The following IL1RAPL2 variants were observed in gnomAD, a reference collection of about 807,000 sequenced individuals.
The protein encoded by IL1RAPL2 is interleukin 1 receptor accessory protein like 2.
A neutral mutation model predicts 44.1 loss-of-function variants in IL1RAPL2; 3 were observed. The ratio of observed to expected loss-of-function variants is 0.07; its 90% CI spans 0.03 to 0.18. The LOEUF is 0.18. Ranked by LOEUF, IL1RAPL2 falls within the 10% of genes least tolerant of loss-of-function variation. The pLI is 1.00. For synonymous variants in IL1RAPL2, 181 were observed against 178.8 expected (o/e 1.01, Z -0.10); for missense variants, 391 against 496.4 (o/e 0.79, Z 2.02).
At chrX:104,852,865 G>C (rs1349420664) in intron 2 of IL1RAPL2, among the ~76,000 whole-genome samples, 4 of 111,713 alleles carry the variant, frequency 3.6e-5, no homozygotes, top group Non-Finnish European at 5.6e-5. Context: ...GACTTATGAA[G>C]GTGAGGCAGC....
At chrX:105,064,140 A>AC (rs1372817357) in intron 2 of IL1RAPL2, among the ~76,000 whole-genome samples, 1 of 112,299 alleles carries the variant, frequency 8.9e-6, no homozygotes, top group Non-Finnish European at 1.9e-5. Context: ...GTGATAAGTT[A>AC]CCCCAGGACT....
At chrX:105,226,620 C>G (rs1313390045) in intron 3 of IL1RAPL2, among the ~76,000 whole-genome samples, 1 of 108,966 alleles carries the variant, frequency 9.2e-6, no homozygotes, top group Non-Finnish European at 1.9e-5. Flanking sequence ...CCAGGCTGGT[C>G]TTGAACTCCT....
At chrX:105,413,797 A>G (rs2035713451) in intron 5 of IL1RAPL2, among the ~76,000 whole-genome samples, 1 of 112,450 alleles carries the variant, frequency 8.9e-6, no homozygotes, top group Non-Finnish European at 1.9e-5. Context: ...ATTGTCCAGT[A>G]TAATAGCCAT....
intron 5 of IL1RAPL2, among the ~76,000 whole-genome samples, chrX:105,325,359 G>A (rs936310116): frequency 4.6e-5 from 5 of 109,849 alleles, no homozygotes; most frequent in African/African-American, 1.7e-4. Context: ...CATCTATGCT[G>A]TAGCATGTAT....
chrX:104,882,575 T>A (rs1431069497), intron 2 of IL1RAPL2, among the ~76,000 whole-genome samples: 4 of 111,384 alleles, frequency 3.6e-5, no homozygotes, highest in Non-Finnish European at 7.5e-5. Flanking sequence ...GGTTTGTAAA[T>A]GCACCAATCA....
chrX:105,681,142 G>GAGTTA (rs769810570), intron 6 of IL1RAPL2, among the ~76,000 whole-genome samples: 1 of 111,652 alleles, frequency 9.0e-6, no homozygotes, highest in East Asian at 2.8e-4. Flanking sequence ...AACAGGGAGA[G>GAGTTA]AGTTACCTTT....
At chrX:105,012,797 T>A (rs1278582744) in intron 2 of IL1RAPL2, among the ~76,000 whole-genome samples, 1 of 110,666 alleles carries the variant, frequency 9.0e-6, no homozygotes, top group Admixed American at 9.6e-5. Context: ...TGAAGTCAGA[T>A]TTTTTCCATT....
chrX:104,606,933 C>T (rs1452399223), intron 1 of IL1RAPL2, among the ~76,000 whole-genome samples: 2 of 111,932 alleles, frequency 1.8e-5, no homozygotes, highest in East Asian at 2.8e-4. Flanking sequence ...ATAGCCAAGA[C>T]AATCCTGGGC....
intron 2 of IL1RAPL2, among the ~76,000 whole-genome samples, chrX:104,944,189 T>C (rs1242254361): frequency 2.7e-5 from 3 of 111,823 alleles, no homozygotes; most frequent in Non-Finnish European, 3.8e-5. Context: ...GAGTACTCTT[T>C]ATCACTTTCT....
chrX:105,500,511 T>C (rs968271768), intron 6 of IL1RAPL2, among the ~76,000 whole-genome samples: 1 of 111,511 alleles, frequency 9.0e-6, no homozygotes, highest in Non-Finnish European at 1.9e-5. Flanking sequence ...ATATTATTGC[T>C]TTAGTAACTT....
chrX:105,244,953 T>C (rs1357450759), intron 4 of IL1RAPL2, among the ~76,000 whole-genome samples: 1 of 111,523 alleles, frequency 9.0e-6, no homozygotes, highest in Non-Finnish European at 1.9e-5. Context: ...TTTGAACACA[T>C]TTTGAAGTTG....
intron 2 of IL1RAPL2, among the ~76,000 whole-genome samples, chrX:104,732,501 C>T (rs1931938923): frequency 9.0e-6 from 1 of 111,342 alleles, no homozygotes; most frequent in Non-Finnish European, 1.9e-5. Context: ...AAACTTTGTA[C>T]AATAAATAAA....
At chrX:105,071,546 G>A (rs926020844) in intron 2 of IL1RAPL2, among the ~76,000 whole-genome samples, 2 of 110,530 alleles carry the variant, frequency 1.8e-5, no homozygotes, top group Non-Finnish European at 3.8e-5. Flanking sequence ...AATCACAAAA[G>A]ATCCCAAAGA....
chrX:104,964,129 C>T (rs994698545), intron 2 of IL1RAPL2, among the ~76,000 whole-genome samples: 1 of 109,946 alleles, frequency 9.1e-6, no homozygotes, highest in Non-Finnish European at 1.9e-5. Flanking sequence ...AACTAATATC[C>T]ATTTATATTC....
intron 5 of IL1RAPL2, among the ~76,000 whole-genome samples, chrX:105,353,248 C>T (rs1052343772): frequency 4.8e-4 from 53 of 110,910 alleles, no homozygotes; most frequent in African/African-American, 1.4e-3. Flanking sequence ...TGTAGATACG[C>T]GGCATTATTT....
intron 1 of IL1RAPL2, among the ~76,000 whole-genome samples, chrX:104,584,075 T>C (rs1054963501): frequency 4.5e-5 from 5 of 111,106 alleles, no homozygotes; most frequent in Non-Finnish European, 9.4e-5. Flanking sequence ...TAAAAATACC[T>C]ATTTCTGTAC....
At chrX:104,932,605 G>A (rs774977531) in intron 2 of IL1RAPL2, among the ~76,000 whole-genome samples, 1 of 111,837 alleles carries the variant, frequency 8.9e-6, no homozygotes, top group Non-Finnish European at 1.9e-5. Context: ...AATCATTTAT[G>A]GGCTGAGGAT....
At chrX:105,176,929 T>G (rs2033479387) in intron 2 of IL1RAPL2, among the ~76,000 whole-genome samples, 1 of 111,441 alleles carries the variant, frequency 9.0e-6, no homozygotes, top group African/African-American at 3.3e-5. Context: ...CAAGAATCAG[T>G]AAATTTCCCT....
chrX:105,216,345 G>A, intron 3 of IL1RAPL2, among the ~76,000 whole-genome samples: 1 of 110,812 alleles, frequency 9.0e-6, no homozygotes, highest in Middle Eastern at 4.7e-3. Flanking sequence ...AATCATGAGT[G>A]AACTCCCATT....
Sources: allele counts gnomAD v4.1 joint callset (sites outside exome capture counted in the v4.1 genomes callset), GRCh38; gene constraint gnomAD v4.1.1; transcripts MANE v1.5; gene names NCBI Gene and HGNC (gene_info 2026-07-23, HGNC 2026-07-21).